SNTG1: variants seen among roughly 807,000 people sequenced by gnomAD.
SNTG1 encodes the protein gamma-1-syntrophin.
SNTG1 carries 39 observed loss-of-function variants against 74.7 expected under a neutral mutation model. That is an observed-to-expected ratio of 0.52 (90% CI 0.40 to 0.68). The LOEUF (loss-of-function observed/expected upper bound fraction) is 0.68, where lower values mean the gene tolerates loss of function less well. Ranked by LOEUF, SNTG1 falls within the 30% of genes least tolerant of loss-of-function variation. The pLI, the probability that SNTG1 is intolerant of heterozygous loss-of-function variation, is 0.00. For missense variants in SNTG1, 685 were observed against 609.5 expected (o/e 1.12, Z -1.30); for synonymous variants, 254 against 217.1 (o/e 1.17, Z -1.49).
chr8:50,501,604 T>TA (rs1239440395), intron 8 of SNTG1, among the ~76,000 whole-genome samples: 4 of 128,024 alleles, frequency 3.1e-5, no homozygotes, highest in Non-Finnish European at 6.1e-5. Context: ...ACCGGTTATT[T>TA]TTTTTTATTT....
intron 8 of SNTG1, among the ~76,000 whole-genome samples, chr8:50,464,951 G>A (rs1427225467): frequency 5.1e-5 from 3 of 58,636 alleles, no homozygotes; most frequent in Non-Finnish European, 5.3e-5. Flanking sequence ...ACATGCTGTT[G>A]GAAAAAAAAA....
At chr8:50,059,871 G>A (rs1384368902) in intron 1 of SNTG1, among the ~76,000 whole-genome samples, 1 of 152,068 alleles carries the variant, frequency 6.6e-6, no homozygotes, top group Non-Finnish European at 1.5e-5. Flanking sequence ...AAGTAAAATT[G>A]CTGGACCATA....
chr8:50,750,083 C>T (rs1441033611), intron 17 of SNTG1, among the ~76,000 whole-genome samples: 1 of 151,978 alleles, frequency 6.6e-6, no homozygotes, highest in Non-Finnish European at 1.5e-5. Flanking sequence ...ATATATGATT[C>T]ATGGGAGGAG....
At chr8:50,454,122 A>G (rs1040234933) in intron 8 of SNTG1, among the ~76,000 whole-genome samples, 4 of 152,182 alleles carry the variant, frequency 2.6e-5, no homozygotes, top group Non-Finnish European at 5.9e-5. Context: ...ACTGAACCCT[A>G]GACATATTAA....
At chr8:50,528,827 A>G (rs976572157) in intron 9 of SNTG1, among the ~76,000 whole-genome samples, 7 of 149,936 alleles carry the variant, frequency 4.7e-5, no homozygotes, top group Non-Finnish European at 1.0e-4. Flanking sequence ...CTATGGGTTT[A>G]TCTAATTTAT....
At chr8:50,081,735 G>A (rs1822434127) in intron 1 of SNTG1, among the ~76,000 whole-genome samples, 2 of 152,124 alleles carry the variant, frequency 1.3e-5, no homozygotes, top group South Asian at 2.1e-4. Context: ...CCGAGTTCAA[G>A]TGATTCTTCT....
At chr8:50,705,659 ATTATC>A (rs1173929021) in intron 16 of SNTG1, among the ~76,000 whole-genome samples, 1 of 152,260 alleles carries the variant, frequency 6.6e-6, no homozygotes, top group African/African-American at 2.4e-5. Context: ...GTTGTTTGGA[ATTATC>A]TTATCATGTG....
chr8:50,496,883 A>G (rs1202767263), intron 8 of SNTG1, among the ~76,000 whole-genome samples: 1 of 152,064 alleles, frequency 6.6e-6, no homozygotes, highest in Non-Finnish European at 1.5e-5. Flanking sequence ...TTTGGCAGGA[A>G]TAATTCGTTC....
At chr8:50,168,924 A>T (rs2082716626) in intron 1 of SNTG1, among the ~76,000 whole-genome samples, 1 of 152,188 alleles carries the variant, frequency 6.6e-6, no homozygotes, top group Non-Finnish European at 1.5e-5. Context: ...CAACCCACAG[A>T]GTTATTCGGT....
At chr8:49,965,722 G>A (rs1394699678) in intron 1 of SNTG1, among the ~76,000 whole-genome samples, 2 of 151,994 alleles carry the variant, frequency 1.3e-5, no homozygotes, top group African/African-American at 2.4e-5. Context: ...AACACAAATA[G>A]GGCCCACTCT....
intron 15 of SNTG1, among the ~76,000 whole-genome samples, chr8:50,659,692 G>A (rs1212277728): frequency 2.6e-5 from 4 of 152,000 alleles, no homozygotes; most frequent in Non-Finnish European, 4.4e-5. Flanking sequence ...TTCTGTAGGC[G>A]TAATGGTGGA....
intron 2 of SNTG1, among the ~76,000 whole-genome samples, chr8:50,327,781 T>C (rs1034746493): frequency 6.6e-6 from 1 of 152,104 alleles, no homozygotes; most frequent in Non-Finnish European, 1.5e-5. Flanking sequence ...ATTGCACATT[T>C]TATATGCTTC....
chr8:49,973,818 AT>A (rs780980452), intron 1 of SNTG1, among the ~76,000 whole-genome samples: 2 of 152,226 alleles, frequency 1.3e-5, no homozygotes, highest in African/African-American at 2.4e-5. Flanking sequence ...TTTGGATACC[AT>A]TTGATAACAT....
At chr8:50,479,184 T>A (rs892758935) in intron 8 of SNTG1, among the ~76,000 whole-genome samples, 4 of 152,202 alleles carry the variant, frequency 2.6e-5, no homozygotes, top group African/African-American at 9.6e-5. Context: ...ACATGCCATT[T>A]GAAGAAAGTA....
intron 18 of SNTG1, among the ~76,000 whole-genome samples, chr8:50,761,603 A>ATT (rs200187689): frequency 0.097 from 14,440 of 148,230 alleles, 1,474 homozygotes; most frequent in African/African-American, 0.26. Context: ...TGCCTGAGCT[A>ATT]TTTTTTTTTT....
At chr8:50,669,386 A>T (rs1319074108) in intron 15 of SNTG1, among the ~76,000 whole-genome samples, 1 of 152,160 alleles carries the variant, frequency 6.6e-6, no homozygotes, top group Non-Finnish European at 1.5e-5. Flanking sequence ...AGAAATACAA[A>T]CTACCATCAG....
chr8:50,458,907 G>A (rs2093533761), intron 8 of SNTG1, among the ~76,000 whole-genome samples: 1 of 152,062 alleles, frequency 6.6e-6, no homozygotes, highest in Non-Finnish European at 1.5e-5. Context: ...AAGCTTAAAG[G>A]TTTTGACTGT....
chr8:50,285,227 A>G (rs1357569206), intron 2 of SNTG1, among the ~76,000 whole-genome samples: 1 of 152,140 alleles, frequency 6.6e-6, no homozygotes, highest in Non-Finnish European at 1.5e-5. Context: ...ACCATTGCTA[A>G]GCTCAACAGC....
intron 13 of SNTG1, among the ~76,000 whole-genome samples, chr8:50,652,052 A>G (rs548154211): frequency 6.6e-6 from 1 of 152,236 alleles, no homozygotes; most frequent in South Asian, 2.1e-4. Flanking sequence ...AACCGGCCTT[A>G]ACTTCATTTT....
Sources: allele counts gnomAD v4.1 joint callset (sites outside exome capture counted in the v4.1 genomes callset), GRCh38; gene constraint gnomAD v4.1.1; transcripts MANE v1.5; gene names NCBI Gene and HGNC (gene_info 2026-07-23, HGNC 2026-07-21).